The following TSHZ1 variants were observed in gnomAD, a reference collection of about 807,000 sequenced individuals.
TSHZ1 encodes the protein teashirt zinc finger homeobox 1, also known as teashirt homolog 1.
Under a neutral mutation model 67.1 loss-of-function variants are expected in TSHZ1, and 12 were observed. The ratio of observed to expected loss-of-function variants is 0.18; its 90% CI spans 0.11 to 0.29. The LOEUF (loss-of-function observed/expected upper bound fraction) is 0.29, where lower values mean the gene tolerates loss of function less well. TSHZ1 is among the 10% of genes least tolerant of loss of function. The pLI is 1.00. For synonymous variants in TSHZ1, 632 were observed against 622.4 expected (o/e 1.02, Z -0.23); for missense variants, 1,305 against 1,413.9 (o/e 0.92, Z 1.23).
At chr18:75,211,952 C>T in intron 1 of TSHZ1, 36 bp downstream of exon 1, 2 of 1,201,600 alleles carry the variant, frequency 1.7e-6, no homozygotes, top group African/African-American at 1.6e-5. Flanking sequence ...GGGGAGTGGG[C>T]GCCGGGAGGA....
intron 1 of TSHZ1, among the ~76,000 whole-genome samples, chr18:75,279,524 T>C (rs1036067416): frequency 7.2e-5 from 11 of 152,070 alleles, no homozygotes; most frequent in African/African-American, 2.4e-4. Flanking sequence ...ATGGGAAGGC[T>C]GGATGGAGAA....
At chr18:75,273,278 C>T (rs1249056530) in intron 1 of TSHZ1, among the ~76,000 whole-genome samples, 1 of 152,188 alleles carries the variant, frequency 6.6e-6, no homozygotes, top group East Asian at 1.9e-4. Context: ...TTTAAGAAAA[C>T]ACCTTTATTT....
At position 75,287,417 on chromosome 18, in the gene TSHZ1, G is replaced by A. The variant is rs541960582; in HGVS notation, c.2010G>A (p.Ala670=). Residue 670 remains alanine (A), a synonymous_variant, in exon 2 of 2, where the codon GCG becomes GCA. Coordinates refer to ENST00000580243, the MANE Select transcript of TSHZ1 (RefSeq NM_001308210.2). This position sits in a 1 kb window ranked among gnomAD's most constrained non-coding sequence, Gnocchi z 5.0. ...AGAAGAGCTCCCTGGCCAAGGCTGC[G>A]TCCCCCATAGCAAAAGAGAATAAAG... ...EKEKSSLAKA[A]SPIAKENKDF... The A allele has an allele frequency of 4.2e-5, 67 of 1,614,116 alleles. No individual in the cohort carries two copies. Among genetic ancestry groups the A allele is most frequent in the Non-Finnish European group, 5.2e-5 (61 of 1,180,022 alleles).
chr18:75,286,687 C>T lies in TSHZ1; in HGVS notation c.1280C>T (p.Thr427Met), dbSNP rs369060962. ...KCMECGSSHD[T>M]LQQLTAHMMV... ...ATGGAGTGTGGCAGCTCCCACGACA[C>T]GCTGCAGCAGCTCACCGCCCACATG... Residue 427 changes from threonine (T) to methionine (M), a missense_variant, in exon 2 of 2, where the codon ACG becomes ATG. This residue lies in a region of TSHZ1 where 909 missense variants were observed against 961.8 expected (regional missense o/e 0.95). Coordinates refer to ENST00000580243, the MANE Select transcript of TSHZ1 (RefSeq NM_001308210.2). This position sits in a 1 kb window ranked among gnomAD's most constrained non-coding sequence, Gnocchi z 5.1. 3.4e-5 allele frequency: 55 copies of T among 1,614,038 alleles called. No individual in the cohort carries two copies. Among genetic ancestry groups the T allele is most frequent in the South Asian group, 2.2e-5 (2 of 91,088 alleles).
intron 1 of TSHZ1, among the ~76,000 whole-genome samples, chr18:75,264,375 G>A (rs2023465592): frequency 6.6e-6 from 1 of 152,074 alleles, no homozygotes; most frequent in South Asian, 2.1e-4. Flanking sequence ...AATTACTTTA[G>A]CAATTATCTC....
intron 1 of TSHZ1, among the ~76,000 whole-genome samples, chr18:75,255,573 C>G (rs942502801): frequency 1.3e-5 from 2 of 152,104 alleles, no homozygotes; most frequent in Non-Finnish European, 2.9e-5. Flanking sequence ...AATAATACTC[C>G]CAGGAAAATG....
intron 1 of TSHZ1, among the ~76,000 whole-genome samples, chr18:75,251,014 T>C (rs2023296577): frequency 6.6e-6 from 1 of 152,208 alleles, no homozygotes; most frequent in South Asian, 2.1e-4. Flanking sequence ...ACAGGAGTTA[T>C]TTAGACCACA....
intron 1 of TSHZ1, among the ~76,000 whole-genome samples, chr18:75,225,150 G>A (rs183877925): frequency 2.6e-5 from 4 of 152,314 alleles, no homozygotes; most frequent in Admixed American, 2.6e-4. Flanking sequence ...GTCAGTGCAC[G>A]TGGGACGTGG....
chr18:75,230,304 C>CTG (rs1045625069), intron 1 of TSHZ1, among the ~76,000 whole-genome samples: 1 of 152,186 alleles, frequency 6.6e-6, no homozygotes, highest in African/African-American at 2.4e-5. Context: ...CCTGGAGTGA[C>CTG]TGACAGGCAC....
intron 1 of TSHZ1, among the ~76,000 whole-genome samples, chr18:75,250,184 TG>T (rs1398207857): frequency 2.0e-5 from 3 of 147,492 alleles, no homozygotes; most frequent in African/African-American, 5.0e-5. Flanking sequence ...CTCCAGTAGG[TG>T]GGGGGGTGAC....
chr18:75,212,394 A>C (rs1458681856), intron 1 of TSHZ1, among the ~76,000 whole-genome samples: 3 of 119,744 alleles, frequency 2.5e-5, no homozygotes, highest in African/African-American at 8.6e-5. Context: ...CCTGTGCAAG[A>C]GGCCCCCCGC....
At chr18:75,282,413 C>A (rs976141504) in intron 1 of TSHZ1, among the ~76,000 whole-genome samples, 1 of 152,148 alleles carries the variant, frequency 6.6e-6, no homozygotes, top group Admixed American at 6.5e-5. Context: ...AGTAAGTTTC[C>A]CATTTCTGTG....
chr18:75,267,639 C>T (rs1424138540), intron 1 of TSHZ1, among the ~76,000 whole-genome samples: 2 of 152,108 alleles, frequency 1.3e-5, no homozygotes, highest in Non-Finnish European at 2.9e-5. Flanking sequence ...AAATGATAGC[C>T]GTTTCTCACA....
At chr18:75,242,956 G>A (rs2023174888) in intron 1 of TSHZ1, among the ~76,000 whole-genome samples, 1 of 152,210 alleles carries the variant, frequency 6.6e-6, no homozygotes, top group Non-Finnish European at 1.5e-5. Context: ...GCTCTATCCT[G>A]CATGTCACTC....
At chr18:75,231,361 G>T (rs1202996840) in intron 1 of TSHZ1, among the ~76,000 whole-genome samples, 1 of 152,230 alleles carries the variant, frequency 6.6e-6, no homozygotes, top group East Asian at 1.9e-4. Flanking sequence ...TTCCACAGTT[G>T]CTTGGTGTGA....
chr18:75,241,323 G>A lies in TSHZ1; in HGVS notation c.40+29407G>A, dbSNP rs147860058. Among the ~76,000 whole-genome samples, 46 of 152,262 alleles carry A rather than the reference G, an allele frequency of 3.0e-4. No homozygotes were observed. The East Asian group carries it at 4.1e-3, about 13-fold the overall frequency. Reference sequence around the variant, plus strand: ...TATGCTATCTCTCCCCTGTAAAAGCGATTGGTAGCCTTGTTGTGAGCTTGC... The same window carrying A: ...TATGCTATCTCTCCCCTGTAAAAGCAATTGGTAGCCTTGTTGTGAGCTTGC... On this transcript the variant is annotated intron_variant, in intron 1 of 1. Coordinates refer to ENST00000580243, the MANE Select transcript of TSHZ1 (RefSeq NM_001308210.2).
At chr18:75,214,270 T>A (rs1303755370) in intron 1 of TSHZ1, among the ~76,000 whole-genome samples, 1 of 152,216 alleles carries the variant, frequency 6.6e-6, no homozygotes, top group Non-Finnish European at 1.5e-5. Context: ...ATATTTACAT[T>A]GGCATAAGTC....
rs201283720 is a variant in TSHZ1 at position 75,288,125 on chromosome 18, G to A, written c.2718G>A (p.Ser906=). Residue 906 remains serine (S), a synonymous_variant, in exon 2 of 2, where the codon TCG becomes TCA. Coordinates refer to ENST00000580243, the MANE Select transcript of TSHZ1 (RefSeq NM_001308210.2). This position sits in a 1 kb window ranked among gnomAD's most constrained non-coding sequence, Gnocchi z 4.9. The stretch of plus-strand genomic sequence containing the variant: ...TCATCCTGCAGGCCCAGTTCGCCTC[G>A]AGCTTGCGGGAGACCACAGAGGGCA... The part of the protein sequence containing the change: ...HLLILQAQFA[S]SLRETTEGKY... The A allele has an allele frequency of 3.5e-5, 56 of 1,613,832 alleles. No homozygotes were observed. Among genetic ancestry groups the A allele is most frequent in the East Asian group, 4.5e-5 (2 of 44,874 alleles).
intron 1 of TSHZ1, among the ~76,000 whole-genome samples, chr18:75,212,932 C>T (rs1216310686): frequency 6.6e-6 from 1 of 152,148 alleles, no homozygotes; most frequent in Non-Finnish European, 1.5e-5. Flanking sequence ...AACCCATATG[C>T]CAGTGAGTTA....
Sources: allele counts gnomAD v4.1 joint callset (sites outside exome capture counted in the v4.1 genomes callset), GRCh38; gene constraint gnomAD v4.1.1; regional missense constraint gnomAD v4.1.1; non-coding constraint Gnocchi (gnomAD v3.1); transcripts MANE v1.5; gene names NCBI Gene and HGNC (gene_info 2026-07-23, HGNC 2026-07-21).